ARL15: variants seen among roughly 807,000 people sequenced by gnomAD.
ARL15 encodes ADP-ribosylation factor-like protein 15.
In ARL15, 19 loss-of-function variants were observed where a neutral mutation model predicts 25.2. The ratio of observed to expected loss-of-function variants is 0.75; its 90% CI spans 0.53 to 1.10. The LOEUF (loss-of-function observed/expected upper bound fraction) is 1.10, where lower values mean the gene tolerates loss of function less well. Ranked by LOEUF, ARL15 falls within the 50% of genes least tolerant of loss-of-function variation. The pLI is 0.00. For synonymous variants in ARL15, 94 were observed against 86.8 expected, an observed-to-expected ratio of 1.08 and a Z score of -0.46; for missense variants, 220 against 246.0, an observed-to-expected ratio of 0.89 and a Z score of 0.71.
intron 2 of ARL15, 146 bp downstream of exon 2, chr5:54,171,638 T>C: frequency 3.9e-6 from 4 of 1,028,106 alleles, no homozygotes; most frequent in Non-Finnish European, 5.4e-6. Flanking sequence ...TTCAAATCTT[T>C]TTTGAAAAAG....
chr5:54,292,008 A>G (rs1036341403), intron 1 of ARL15, among the ~76,000 whole-genome samples: 3 of 152,174 alleles, frequency 2.0e-5, no homozygotes, highest in African/African-American at 7.2e-5. Flanking sequence ...GAAGACAAAT[A>G]GCCCCAATCT....
At chr5:54,254,945 C>T (rs575926064) in intron 1 of ARL15, among the ~76,000 whole-genome samples, 10 of 152,322 alleles carry the variant, frequency 6.6e-5, no homozygotes, top group East Asian at 1.9e-4. Context: ...TTCACAGCTC[C>T]GTGCTGTGCT....
At chr5:54,042,254 C>T (rs1418433984) in intron 4 of ARL15, among the ~76,000 whole-genome samples, 1 of 152,166 alleles carries the variant, frequency 6.6e-6, no homozygotes, top group East Asian at 1.9e-4. Flanking sequence ...CAGGCGTGAG[C>T]CACCGCACCC....
At chr5:54,178,399 C>T (rs995518940) in intron 1 of ARL15, among the ~76,000 whole-genome samples, 2 of 152,170 alleles carry the variant, frequency 1.3e-5, no homozygotes, top group Admixed American at 1.3e-4. Flanking sequence ...CACACTGTTC[C>T]CTTCTCATTT....
At chr5:54,015,334 C>CA (rs1749394964) in intron 4 of ARL15, among the ~76,000 whole-genome samples, 1 of 150,308 alleles carries the variant, frequency 6.7e-6, no homozygotes, top group African/African-American at 2.4e-5. Flanking sequence ...AACAAACAAA[C>CA]AAAAAAACAC....
chr5:54,120,017 T>C (rs1160324028), intron 3 of ARL15, among the ~76,000 whole-genome samples: 1 of 152,224 alleles, frequency 6.6e-6, no homozygotes, highest in Non-Finnish European at 1.5e-5. Context: ...GGGAGTTTTG[T>C]GCATTTTCGT....
intron 4 of ARL15, among the ~76,000 whole-genome samples, chr5:53,984,487 T>C (rs536247071): frequency 1.1e-4 from 16 of 152,126 alleles, no homozygotes; most frequent in Non-Finnish European, 1.6e-4. Context: ...TTGAGAATAA[T>C]GGTAATGAAA....
intron 4 of ARL15, among the ~76,000 whole-genome samples, chr5:54,084,788 TCTGGCGAAAAAAA>T (rs549171519): frequency 1.2e-4 from 18 of 152,254 alleles, no homozygotes; most frequent in East Asian, 5.8e-4. Context: ...GGCACCATGT[TCTGGCGAAAAAAA>T]CTGCAACTGA....
intron 4 of ARL15, among the ~76,000 whole-genome samples, chr5:53,947,118 G>A (rs888314170): frequency 7.3e-5 from 11 of 150,302 alleles, no homozygotes; most frequent in Admixed American, 2.0e-4. Context: ...AGAGTTTACT[G>A]TATCTTAAAC....
chr5:54,011,779 G>A (rs1357600079), intron 4 of ARL15, among the ~76,000 whole-genome samples: 1 of 152,152 alleles, frequency 6.6e-6, no homozygotes, highest in Non-Finnish European at 1.5e-5. Context: ...GGGAAACCGA[G>A]GCGGGCGGAT....
At chr5:53,950,675 T>C (rs913578485) in intron 4 of ARL15, among the ~76,000 whole-genome samples, 1 of 149,850 alleles carries the variant, frequency 6.7e-6, no homozygotes, top group Non-Finnish European at 1.5e-5. Context: ...TTCTCCATGC[T>C]TTTTTTTTTC....
chr5:54,275,816 C>T (rs1228418558), intron 1 of ARL15, among the ~76,000 whole-genome samples: 1 of 151,180 alleles, frequency 6.6e-6, no homozygotes, highest in African/African-American at 2.4e-5. Context: ...TCCCGAGTAG[C>T]TGGGACTACA....
At chr5:54,154,552 G>A (rs1754164796) in intron 3 of ARL15, 28 bp downstream of exon 3, 2 of 1,423,904 alleles carry the variant, frequency 1.4e-6, no homozygotes, top group Non-Finnish European at 1.9e-6. Flanking sequence ...GTTAAGGGCA[G>A]ACATAGAAAT....
At chr5:53,899,346 C>CAAA (rs1744982231) in intron 4 of ARL15, among the ~76,000 whole-genome samples, 1 of 38,714 alleles carries the variant, frequency 2.6e-5, no homozygotes, top group African/African-American at 1.3e-4. Context: ...AGACTCTATC[C>CAAA]CAAAAAAAAA....
At chr5:54,304,090 C>T (rs1758689360) in intron 1 of ARL15, among the ~76,000 whole-genome samples, 1 of 152,190 alleles carries the variant, frequency 6.6e-6, no homozygotes, top group African/African-American at 2.4e-5. Context: ...GGTCAAGGAC[C>T]ACTTTTCTGT....
chr5:54,267,146 C>A (rs1301704012), intron 1 of ARL15, among the ~76,000 whole-genome samples: 1 of 152,202 alleles, frequency 6.6e-6, no homozygotes. Flanking sequence ...GGCTGGAGGG[C>A]AGTGGCGGGA....
At chr5:54,246,946 G>T (rs185458335) in intron 1 of ARL15, among the ~76,000 whole-genome samples, 2 of 151,798 alleles carry the variant, frequency 1.3e-5, no homozygotes, top group African/African-American at 4.8e-5. Context: ...GGATGGTCGG[G>T]GAAGCATAAT....
rs188623486 is a variant in ARL15 at position 54,033,540 on chromosome 5, C to T, written c.462+79662G>A. ...TACAAAAGTTAACTGGGTGTGGTGG[C>T]GCACACCTATAATCCTAGCTACTCA... is the stretch of plus-strand genomic sequence containing the variant. On this transcript the variant is annotated intron_variant, in intron 4 of 4. Coordinates refer to ENST00000504924, the MANE Select transcript of ARL15 (RefSeq NM_019087.3). Among the ~76,000 whole-genome samples the T allele has an allele frequency of 3.9e-3, 587 of 150,922 alleles. 2 individuals carry two copies. The highest frequency in any genetic ancestry group is 0.013 in the African/African-American group (517 of 41,146).
chr5:54,182,464 T>G (rs1447287987), intron 1 of ARL15, among the ~76,000 whole-genome samples: 1 of 151,374 alleles, frequency 6.6e-6, no homozygotes, highest in Admixed American at 6.6e-5. Flanking sequence ...GTTGTAGGTA[T>G]GCGGCGTTAT....
Sources: allele counts gnomAD v4.1 joint callset (sites outside exome capture counted in the v4.1 genomes callset), GRCh38; gene constraint gnomAD v4.1.1; transcripts MANE v1.5; gene names NCBI Gene and HGNC (gene_info 2026-07-23, HGNC 2026-07-21).